Variants in GRXCR2 observed in about 807,000 individuals in gnomAD.
The protein encoded by GRXCR2 is glutaredoxin and cysteine rich domain containing 2.
GRXCR2 carries 23 observed loss-of-function variants against 24.8 expected under a neutral mutation model. The ratio of observed to expected loss-of-function variants is 0.93; its 90% CI spans 0.67 to 1.32. The LOEUF is 1.32. Among genes scored for constraint, GRXCR2 ranks in the 40% most tolerant of loss-of-function variants. GRXCR2 has a pLI of 0.00. For missense variants in GRXCR2, 315 were observed against 303.4 expected (o/e 1.04, Z -0.28); for synonymous variants, 130 against 116.1 (o/e 1.12, Z -0.77).
At chr5:145,930,259 A>G (rs1233590070) in intron 2 of GRXCR2, among the ~76,000 whole-genome samples, 1 of 152,002 alleles carries the variant, frequency 6.6e-6, no homozygotes, top group Non-Finnish European at 1.5e-5. Flanking sequence ...TAATCTTTGT[A>G]TTTTTAGTAG....
intron 2 of GRXCR2, among the ~76,000 whole-genome samples, chr5:145,929,864 G>T (rs1461862974): frequency 6.6e-6 from 1 of 151,990 alleles, no homozygotes; most frequent in Non-Finnish European, 1.5e-5. Context: ...CACAGAAATG[G>T]GGAGATTTCT....
At chr5:145,868,147 G>C (rs1188194734) in intron 1 of GRXCR2, among the ~76,000 whole-genome samples, 1 of 152,116 alleles carries the variant, frequency 6.6e-6, no homozygotes, top group Admixed American at 6.5e-5. Flanking sequence ...TATTTTATAT[G>C]TTGATTGTCA....
intron 2 of GRXCR2, among the ~76,000 whole-genome samples, chr5:145,883,141 T>C (rs1756726846): frequency 6.6e-6 from 1 of 151,530 alleles, no homozygotes; most frequent in African/African-American, 2.4e-5. Flanking sequence ...CTGCATGTTG[T>C]GCACTTGTCC....
chr5:145,887,244 T>C (rs77037509), intron 2 of GRXCR2, among the ~76,000 whole-genome samples: 3,246 of 152,294 alleles, frequency 0.021, 109 homozygotes, highest in African/African-American at 0.073. Context: ...CCACAGGTGT[T>C]TGCCACCAAA....
At chr5:145,916,008 G>A (rs550878462) in intron 2 of GRXCR2, among the ~76,000 whole-genome samples, 31 of 152,286 alleles carry the variant, frequency 2.0e-4, no homozygotes, top group African/African-American at 5.1e-4. Flanking sequence ...GTCACCATGC[G>A]GGGAGGGAAG....
intron 2 of GRXCR2, among the ~76,000 whole-genome samples, chr5:145,902,493 C>T (rs1757037456): frequency 6.6e-6 from 1 of 152,146 alleles, no homozygotes; most frequent in African/African-American, 2.4e-5. Context: ...TTATATGCAT[C>T]TTTGTGCACA....
chr5:145,872,489 T>C (rs1211293048), intron 1 of GRXCR2, 144 bp downstream of exon 1: 8 of 602,382 alleles, frequency 1.3e-5, no homozygotes, highest in Non-Finnish European at 2.3e-5. Flanking sequence ...ATTCGTCTAA[T>C]AACAACTTCC....
intron 2 of GRXCR2, among the ~76,000 whole-genome samples, chr5:145,906,960 T>C (rs1725368975): frequency 6.6e-6 from 1 of 152,114 alleles, no homozygotes; most frequent in Non-Finnish European, 1.5e-5. Context: ...GACTTGCAGT[T>C]GGTGAGGGGG....
In GRXCR2 at chr5:145,872,717, C is replaced by T. The variant is rs746102300; in HGVS notation, c.252G>A (p.Arg84=). The T allele has an allele frequency of 3.1e-6, 5 of 1,613,956 alleles. No homozygotes were observed. Among genetic ancestry groups the T allele is most frequent in the South Asian group, 1.1e-5 (1 of 91,066 alleles). Residue 84 remains arginine (R), a synonymous_variant, in exon 1 of 3, where the codon AGG becomes AGA. Transcript: ENST00000377976. ...QMCSPKLTAQ[R]ISVFREGNAY... is the part of the protein sequence containing the mutation. ...CATTACCCTCTCTAAACACACTGAT[C>T]CTCTGAGCAGTCAGCTTAGGGGAGC...
chr5:145,902,447 T>A (rs1011309632), intron 2 of GRXCR2, among the ~76,000 whole-genome samples: 3 of 152,138 alleles, frequency 2.0e-5, no homozygotes, highest in African/African-American at 7.2e-5. Context: ...CCTCTGGGTT[T>A]TCTCTACTAT....
chr5:145,893,510 C>T (rs550530390), intron 2 of GRXCR2, among the ~76,000 whole-genome samples: 6 of 152,148 alleles, frequency 3.9e-5, no homozygotes, highest in Admixed American at 6.5e-5. Flanking sequence ...AGACTTTAAA[C>T]CAACAAAGGT....
intron 2 of GRXCR2, 117 bp downstream of exon 2, chr5:145,866,384 G>T: frequency 1.5e-6 from 1 of 652,094 alleles, no homozygotes. Context: ...TTCAAGTTTA[G>T]GTATCTTAAG....
chr5:145,930,316 C>T (rs1280733375), intron 2 of GRXCR2, among the ~76,000 whole-genome samples: 1 of 152,114 alleles, frequency 6.6e-6, no homozygotes, highest in East Asian at 1.9e-4. Flanking sequence ...AACTCCCGGC[C>T]TCAAGTGATT....
intron 2 of GRXCR2, among the ~76,000 whole-genome samples, chr5:145,909,438 T>C (rs11167915): frequency 0.25 from 38,391 of 151,280 alleles, 5,431 homozygotes; most frequent in East Asian, 0.64. Context: ...CTCTCTGCAG[T>C]TGCCTCTATC....
chr5:145,914,734 A>AT (rs1757213123), intron 2 of GRXCR2, among the ~76,000 whole-genome samples: 2 of 151,660 alleles, frequency 1.3e-5, no homozygotes, highest in African/African-American at 4.8e-5. Flanking sequence ...AGCACAGCAG[A>AT]TAAAGATGGG....
intron 2 of GRXCR2, among the ~76,000 whole-genome samples, chr5:145,919,981 G>T (rs376706374): frequency 6.6e-6 from 1 of 152,130 alleles, no homozygotes; most frequent in South Asian, 2.1e-4. Context: ...GAGGCACCCA[G>T]GGCCCTGATT....
At chr5:145,916,743 A>AATCACTGAGGAATTAACTTGAGG (rs1157171896) in intron 2 of GRXCR2, among the ~76,000 whole-genome samples, 1 of 152,174 alleles carries the variant, frequency 6.6e-6, no homozygotes, top group East Asian at 1.9e-4. Flanking sequence ...TAACTTGAGG[A>AATCACTGAGGAATTAACTTGAGG]AATCACTGAA....
chr5:145,892,309 A>G (rs953546236), intron 2 of GRXCR2, among the ~76,000 whole-genome samples: 1 of 152,204 alleles, frequency 6.6e-6, no homozygotes, highest in African/African-American at 2.4e-5. Context: ...TGGAGAGAAG[A>G]AGGCTTCAGA....
chr5:145,864,761 T>C (rs977627466), intron 2 of GRXCR2, among the ~76,000 whole-genome samples: 3 of 152,170 alleles, frequency 2.0e-5, no homozygotes, highest in African/African-American at 7.2e-5. Context: ...TGTTTATGTA[T>C]TACTCAGTCT....
Sources: allele counts gnomAD v4.1 joint callset (sites outside exome capture counted in the v4.1 genomes callset), GRCh38; gene constraint gnomAD v4.1.1; transcripts MANE v1.5; gene names NCBI Gene and HGNC (gene_info 2026-07-23, HGNC 2026-07-21).